CDH23: variants seen among roughly 807,000 people sequenced by gnomAD.
The protein encoded by CDH23 is cadherin-23.
A neutral mutation model predicts 317.1 loss-of-function variants in CDH23; 189 were observed. The observed-to-expected ratio is 0.60, with a 90% CI of 0.53 to 0.67. CDH23 has a LOEUF of 0.67. Among genes scored for constraint, CDH23 ranks in the 30% least tolerant of loss-of-function variants. The probability of loss-of-function intolerance (pLI) is 0.00; values close to 1 mark genes in which losing one functional copy is unlikely to be tolerated. For synonymous variants in CDH23, 1,839 were observed against 1,876.8 expected, an observed-to-expected ratio of 0.98 and a Z score of 0.52; for missense variants, 4,401 against 4,592.4, an observed-to-expected ratio of 0.96 and a Z score of 1.20.
At chr10:71,419,331 T>G (rs1200898209) in intron 1 of CDH23, among the ~76,000 whole-genome samples, 1 of 152,090 alleles carries the variant, frequency 6.6e-6, no homozygotes, top group African/African-American at 2.4e-5. Flanking sequence ...GCCTCTGCTC[T>G]CCCCCTGCTC....
At chr10:71,419,002 C>T (rs962002626) in intron 1 of CDH23, among the ~76,000 whole-genome samples, 3 of 152,166 alleles carry the variant, frequency 2.0e-5, no homozygotes, top group African/African-American at 7.2e-5. Flanking sequence ...TATAATAATA[C>T]ATTTTTAGCT....
At chr10:71,682,758 C>T (rs1864707028) in intron 18 of CDH23, among the ~76,000 whole-genome samples, 186 bp downstream of exon 18, 1 of 152,190 alleles carries the variant, frequency 6.6e-6, no homozygotes, top group South Asian at 2.1e-4. Context: ...AACAACTTCA[C>T]TGCCTCCCCG....
chr10:71,469,037 T>A (rs1001703684), intron 3 of CDH23, among the ~76,000 whole-genome samples: 2 of 152,188 alleles, frequency 1.3e-5, no homozygotes, highest in Admixed American at 6.5e-5. Context: ...GCCTCTTGCG[T>A]CCTAACACAC....
chr10:71,402,905 A>G (rs1392880135), intron 1 of CDH23, among the ~76,000 whole-genome samples: 4 of 152,196 alleles, frequency 2.6e-5, no homozygotes, highest in Non-Finnish European at 5.9e-5. Context: ...TCACGAGGTC[A>G]GCAGATCGAG....
At chr10:71,669,648 G>A (rs116840369) in intron 14 of CDH23, among the ~76,000 whole-genome samples, 2,466 of 152,144 alleles carry the variant, frequency 0.016, 72 homozygotes, top group African/African-American at 0.057. Flanking sequence ...GGGTTTCACC[G>A]TGTTGGCCAG....
chr10:71,620,396 G>C (rs1041948168), intron 11 of CDH23, among the ~76,000 whole-genome samples: 3 of 152,164 alleles, frequency 2.0e-5, no homozygotes, highest in Non-Finnish European at 4.4e-5. Flanking sequence ...TCCAGCGAGT[G>C]CCACCAGATG....
chr10:71,725,545 G>T (rs1174877210), intron 30 of CDH23, 25 bp downstream of exon 30: 5 of 1,606,308 alleles, frequency 3.1e-6, no homozygotes, highest in African/African-American at 1.3e-5. Context: ...GGGCTGGGGT[G>T]CTGACCTCAG....
At chr10:71,400,353 C>T (rs1436180315) in intron 1 of CDH23, among the ~76,000 whole-genome samples, 1 of 151,650 alleles carries the variant, frequency 6.6e-6, no homozygotes, top group Non-Finnish European at 1.5e-5. Context: ...GGCAGTCCTT[C>T]CCCTAAGCTA....
chr10:71,418,144 A>G (rs1221922332), intron 1 of CDH23, among the ~76,000 whole-genome samples: 1 of 152,192 alleles, frequency 6.6e-6, no homozygotes, highest in Non-Finnish European at 1.5e-5. Context: ...CATATTTGAT[A>G]ATCTAGTAAC....
At chr10:71,811,031 G>GCA (rs1237746074) in intron 62 of CDH23, among the ~76,000 whole-genome samples, 1 of 130,524 alleles carries the variant, frequency 7.7e-6, no homozygotes, top group Non-Finnish European at 1.5e-5. Context: ...AGTGGGCTGA[G>GCA]ATCATGCCAC....
At chr10:71,792,852 A>AATATATATATATATATATATAT (rs1554874675) in intron 47 of CDH23, among the ~76,000 whole-genome samples, 55 of 38,432 alleles carry the variant, frequency 1.4e-3, no homozygotes, top group East Asian at 3.2e-3. Flanking sequence ...AAAAAAAAAA[A>AATATATATATATATATATATAT]ATATATATAT....
chr10:71,577,666 A>G (rs796153362), intron 8 of CDH23, among the ~76,000 whole-genome samples: 3 of 152,102 alleles, frequency 2.0e-5, no homozygotes, highest in African/African-American at 4.8e-5. Context: ...TGAATAAGGG[A>G]TATGGGAAGG....
At chr10:71,738,458 G>T (rs771307764) in intron 34 of CDH23, 40 bp from the exon 35 acceptor site, 5 of 1,613,414 alleles carry the variant, frequency 3.1e-6, no homozygotes, top group Non-Finnish European at 4.2e-6. Flanking sequence ...GGCCAAGGAG[G>T]GGAAGGAGGC....
At chr10:71,499,379 T>C (rs977954233) in intron 3 of CDH23, among the ~76,000 whole-genome samples, 1 of 151,880 alleles carries the variant, frequency 6.6e-6, no homozygotes, top group African/African-American at 2.4e-5. Flanking sequence ...CTGACCAACA[T>C]GGCAAAACCC....
intron 11 of CDH23, among the ~76,000 whole-genome samples, chr10:71,629,981 T>C (rs1333418277): frequency 6.6e-6 from 1 of 152,220 alleles, no homozygotes; most frequent in African/African-American, 2.4e-5. Context: ...ATGACCTTTA[T>C]GTTATATGAA....
chr10:71,527,656 G>C (rs941498158), intron 6 of CDH23, among the ~76,000 whole-genome samples: 2 of 152,192 alleles, frequency 1.3e-5, no homozygotes, highest in African/African-American at 2.4e-5. Flanking sequence ...GAATATAGCA[G>C]AGAAGCAAGA....
At chr10:71,678,654 G>A (rs1864476346) in intron 16 of CDH23, among the ~76,000 whole-genome samples, 1 of 152,212 alleles carries the variant, frequency 6.6e-6, no homozygotes, top group African/African-American at 2.4e-5. Context: ...TCCCTGCTCA[G>A]CTCCAGGTGT....
chr10:71,423,870 G>T (rs993701644), intron 1 of CDH23, among the ~76,000 whole-genome samples: 2 of 152,184 alleles, frequency 1.3e-5, no homozygotes, highest in Non-Finnish European at 2.9e-5. Flanking sequence ...TTCTAAGATC[G>T]CCTGGTCTGG....
chr10:71,675,758 C>T (rs1864335264), intron 15 of CDH23, among the ~76,000 whole-genome samples: 1 of 152,200 alleles, frequency 6.6e-6, no homozygotes, highest in African/African-American at 2.4e-5. Context: ...CAACATGCAG[C>T]AACTTGTAGG....
Sources: gnomAD v4.1 joint callset for allele counts (sites outside exome capture counted in the v4.1 genomes callset) on GRCh38, gnomAD v4.1.1 for gene constraint, MANE v1.5 for transcripts, NCBI Gene and HGNC (gene_info 2026-07-23, HGNC 2026-07-21) for gene names.